The following DNAH14 variants were observed in gnomAD, a reference collection of about 807,000 sequenced individuals.
The protein encoded by DNAH14 is axonemal beta dynein heavy chain 14.
DNAH14 carries 478 observed loss-of-function variants against 520.9 expected under a neutral mutation model. That is an observed-to-expected ratio of 0.92 (90% CI 0.85 to 0.99). The LOEUF is 0.99. Ranked by LOEUF, DNAH14 falls within the 50% of genes least tolerant of loss-of-function variation. The probability of loss-of-function intolerance (pLI) is 0.00; values close to 1 mark genes in which losing one functional copy is unlikely to be tolerated. For missense variants in DNAH14, 4,831 were observed against 5,234.5 expected (o/e 0.92, Z 2.38); for synonymous variants, 1,581 against 1,757.2 (o/e 0.90, Z 2.51).
At position 225,393,817 on chromosome 1, in the gene DNAH14, TTTTTTTTG is replaced by T. The variant is rs2095958728; in HGVS notation, c.13491+1374_13491+1381del. 4.7e-5 allele frequency among the ~76,000 whole-genome samples: 7 copies of T among 147,850 alleles called. No individual in the cohort carries two copies. The South Asian group carries it at 1.5e-3, about 31-fold the overall frequency. On this transcript the variant is annotated intron_variant, in intron 84 of 85. Coordinates refer to ENST00000682510, the MANE Select transcript of DNAH14 (RefSeq NM_001367479.1). ...GTGCAGTGATATATCTTTTTTTGTT[TTTTTTTTG>T]TTTTTTTTTTTGAGACGGAGTCTTG...
rs1029815596 is a variant in DNAH14, at chr1:225,336,079, A to G, written c.10081-1187A>G. 1.5e-4 allele frequency among the ~76,000 whole-genome samples: 22 copies of G among 144,932 alleles called. No individual in the cohort carries two copies. In the East Asian group the frequency reaches 4.0e-3, roughly 26 times the overall value. ...CATATATGTATACATACATACTTAT[A>G]TATACATATATGCTTATACATATAT... On this transcript the variant is annotated intron_variant, in intron 66 of 85. Coordinates refer to ENST00000682510, the MANE Select transcript of DNAH14 (RefSeq NM_001367479.1).
intron 41 of DNAH14, among the ~76,000 whole-genome samples, chr1:225,218,540 C>T (rs1293535000): frequency 2.7e-5 from 4 of 150,656 alleles, no homozygotes; most frequent in African/African-American, 4.9e-5. Flanking sequence ...GACTTTTAAC[C>T]AACAAAGCTC....
rs551073851 is a variant in DNAH14, at chr1:225,106,312, A to T, written c.3867+5428A>T. On this transcript the variant is annotated intron_variant, in intron 23 of 85. Coordinates refer to ENST00000682510, the MANE Select transcript of DNAH14 (RefSeq NM_001367479.1). The stretch of plus-strand genomic sequence containing the variant: ...CGACCTTTCTCTCTGGCTGCCCTTA[A>T]CATTTTTTCCTTCATTTCAACTTTG... 5.9e-5 allele frequency among the ~76,000 whole-genome samples: 9 copies of T among 151,944 alleles called. No homozygotes were observed. The East Asian group carries it at 1.5e-3, about 26-fold the overall frequency.
chr1:225,079,572 A>G, intron 18 of DNAH14, 24 bp downstream of exon 18: 3 of 1,384,908 alleles, frequency 2.2e-6, no homozygotes, highest in Non-Finnish European at 2.9e-6. Flanking sequence ...GTTTTTTTGG[A>G]TTTTTTTTTT....
intron 8 of DNAH14, among the ~76,000 whole-genome samples, chr1:224,980,185 CTT>C (rs1327745952): frequency 2.0e-5 from 3 of 152,176 alleles, no homozygotes; most frequent in Admixed American, 6.5e-5. Flanking sequence ...CAAGTAGACT[CTT>C]GGTGTCCCCG....
chr1:225,394,398 A>G (rs980084069), intron 84 of DNAH14, among the ~76,000 whole-genome samples: 3 of 152,200 alleles, frequency 2.0e-5, no homozygotes, highest in African/African-American at 7.2e-5. Context: ...TTGTTTTAAC[A>G]AAGTCCAGTG....
intron 67 of DNAH14, among the ~76,000 whole-genome samples, 162 bp downstream of exon 67, chr1:225,337,658 C>G (rs938946373): frequency 6.6e-6 from 1 of 152,124 alleles, no homozygotes; most frequent in Non-Finnish European, 1.5e-5. Context: ...GTTTTCAATG[C>G]TCAGTTCTCT....
At chr1:225,078,768 ATCTCTCTCTCTCTCTCTCTCTC>A (rs1170812870) in intron 17 of DNAH14, among the ~76,000 whole-genome samples, 56 of 15,680 alleles carry the variant, frequency 3.6e-3, no homozygotes, top group African/African-American at 0.017. Flanking sequence ...CCCATTCTCA[ATCTCTCTCTCTCTCTCTCTCTC>A]TCTCTCTCTC....
In DNAH14 at chr1:225,399,074, T is replaced by C; in HGVS notation, c.13659T>C (p.Asn4553=). ...LPTKISTKTP[N]ASNQTDSELY... ...TAAAGATTTCTACCAAAACACCAAA[T>C]GCTTCCAACCAGACAGATTCAGAAC... The change falls in exon 86 of 86, where the codon AAT becomes AAC. Residue 4553 remains asparagine, a synonymous_variant. Transcript: ENST00000682510. 6.5e-7 allele frequency: 1 copy of C among 1,548,710 alleles called. No individual in the cohort carries two copies. Among genetic ancestry groups the C allele is most frequent in the Non-Finnish European group, 8.7e-7 (1 of 1,145,996 alleles).
intron 37 of DNAH14, among the ~76,000 whole-genome samples, chr1:225,192,373 C>T (rs1042468979): frequency 6.6e-6 from 1 of 152,082 alleles, no homozygotes; most frequent in Non-Finnish European, 1.5e-5. Flanking sequence ...ATTCTGTTGT[C>T]TCTCACTTCT....
At chr1:225,346,828 A>T (rs2095293283) in intron 71 of DNAH14, among the ~76,000 whole-genome samples, 174 bp downstream of exon 71, 1 of 152,184 alleles carries the variant, frequency 6.6e-6, no homozygotes, top group Non-Finnish European at 1.5e-5. Context: ...TACATAAATG[A>T]TAATTACTAT....
intron 43 of DNAH14, among the ~76,000 whole-genome samples, chr1:225,241,347 C>T (rs773180498): frequency 5.9e-5 from 9 of 152,016 alleles, no homozygotes; most frequent in Non-Finnish European, 8.8e-5. Flanking sequence ...ATTGTTGATG[C>T]AGGTACCAAA....
At chr1:225,138,301 C>T (rs1298392219) in intron 27 of DNAH14, among the ~76,000 whole-genome samples, 10 of 152,212 alleles carry the variant, frequency 6.6e-5, no homozygotes, top group Non-Finnish European at 1.3e-4. Context: ...CTGCAACAGC[C>T]GTTTCCCCCA....
intron 17 of DNAH14, among the ~76,000 whole-genome samples, chr1:225,062,646 A>G (rs2070326371): frequency 6.6e-6 from 1 of 152,232 alleles, no homozygotes; most frequent in Non-Finnish European, 1.5e-5. Context: ...TGGAACCACT[A>G]ATTGTAAGCA....
intron 10 of DNAH14, among the ~76,000 whole-genome samples, chr1:225,007,989 T>G (rs566129238): frequency 3.3e-5 from 5 of 151,600 alleles, no homozygotes; most frequent in Non-Finnish European, 4.4e-5. Context: ...GTTTGTTACA[T>G]GGGTATACAT....
intron 60 of DNAH14, among the ~76,000 whole-genome samples, chr1:225,316,856 G>C (rs776345424): frequency 6.6e-5 from 10 of 152,078 alleles, no homozygotes; most frequent in Non-Finnish European, 1.2e-4. Flanking sequence ...TTTTCTCACC[G>C]CATACTCTGT....
At chr1:224,935,598 A>G (rs945333574) in intron 1 of DNAH14, among the ~76,000 whole-genome samples, 2 of 151,858 alleles carry the variant, frequency 1.3e-5, no homozygotes, top group African/African-American at 2.4e-5. Context: ...AGCTATAAAG[A>G]CTGCCATACA....
intron 36 of DNAH14, among the ~76,000 whole-genome samples, chr1:225,172,780 A>C (rs984264871): frequency 6.6e-6 from 1 of 152,208 alleles, no homozygotes; most frequent in Non-Finnish European, 1.5e-5. Flanking sequence ...TATGGAACCA[A>C]AAAAGAGCCC....
intron 10 of DNAH14, among the ~76,000 whole-genome samples, chr1:225,016,799 A>G (rs1381499290): frequency 4.0e-5 from 6 of 148,808 alleles, no homozygotes; most frequent in Non-Finnish European, 5.9e-5. Context: ...AGGTTCAGAA[A>G]TTTTCTTCTG....
Sources: allele counts gnomAD v4.1 joint callset (sites outside exome capture counted in the v4.1 genomes callset), GRCh38; gene constraint gnomAD v4.1.1; transcripts MANE v1.5; gene names NCBI Gene and HGNC (gene_info 2026-07-23, HGNC 2026-07-21).